The following TP63 variants were observed in gnomAD, a reference collection of about 807,000 sequenced individuals.
TP63 encodes the protein tumor protein 63.
Under a neutral mutation model 82.8 loss-of-function variants are expected in TP63, and 17 were observed. The observed-to-expected ratio is 0.21, with a 90% CI of 0.14 to 0.31. The LOEUF is 0.31. Ranked by LOEUF, TP63 falls within the 10% of genes least tolerant of loss-of-function variation. TP63 has a pLI of 1.00. For missense variants in TP63, 648 were observed against 895.3 expected (o/e 0.72, Z 3.52); for synonymous variants, 330 against 321.7 (o/e 1.03, Z -0.28).
chr3:189,827,687 C>T (rs138227423), intron 4 of TP63, among the ~76,000 whole-genome samples: 1 of 152,224 alleles, frequency 6.6e-6, no homozygotes, highest in East Asian at 1.9e-4. Flanking sequence ...TTTGGTATAC[C>T]TGGACCATAG....
intron 1 of TP63, among the ~76,000 whole-genome samples, chr3:189,677,330 A>G (rs1049549714): frequency 1.4e-5 from 2 of 146,540 alleles, no homozygotes; most frequent in African/African-American, 5.0e-5. Context: ...ACACACACAT[A>G]TTTATATATA....
intron 3 of TP63, among the ~76,000 whole-genome samples, chr3:189,769,259 G>A (rs529532803): frequency 4.6e-5 from 7 of 152,104 alleles, no homozygotes; most frequent in African/African-American, 9.7e-5. Context: ...ATCATCTTCC[G>A]ATACCTTGAT....
intron 4 of TP63, among the ~76,000 whole-genome samples, chr3:189,855,147 T>G (rs1716126148): frequency 1.3e-5 from 2 of 152,086 alleles, no homozygotes; most frequent in African/African-American, 4.8e-5. Context: ...AAAGTAAGAC[T>G]TAACGTGTTT....
intron 4 of TP63, among the ~76,000 whole-genome samples, chr3:189,844,678 C>A (rs1714635970): frequency 6.6e-6 from 1 of 152,076 alleles, no homozygotes; most frequent in African/African-American, 2.4e-5. Context: ...GAGGACAAAT[C>A]CAAAGTATAG....
chr3:189,644,912 C>CT (rs67262538), intron 1 of TP63, among the ~76,000 whole-genome samples: 188 of 142,614 alleles, frequency 1.3e-3, no homozygotes, highest in African/African-American at 2.1e-3. Context: ...ACCACATTTT[C>CT]TTTTTTTTTT....
chr3:189,850,308 A>G (rs2108763911), intron 4 of TP63, among the ~76,000 whole-genome samples: 1 of 152,014 alleles, frequency 6.6e-6, no homozygotes, highest in South Asian at 2.1e-4. Context: ...CACCGCCACC[A>G]CCAAAAAAAG....
At chr3:189,766,971 T>A (rs1373418137) in intron 3 of TP63, among the ~76,000 whole-genome samples, 2 of 152,208 alleles carry the variant, frequency 1.3e-5, no homozygotes, top group Admixed American at 6.5e-5. Flanking sequence ...GGGAGTGATT[T>A]TAGGAAATAT....
intron 3 of TP63, among the ~76,000 whole-genome samples, chr3:189,794,894 C>T (rs1725537610): frequency 6.6e-6 from 1 of 152,054 alleles, no homozygotes; most frequent in Non-Finnish European, 1.5e-5. Flanking sequence ...GAAGGATACG[C>T]ATGGATTGTT....
At chr3:189,862,055 CATTT>C (rs1439393572) in intron 4 of TP63, among the ~76,000 whole-genome samples, 1 of 152,154 alleles carries the variant, frequency 6.6e-6, no homozygotes, top group East Asian at 1.9e-4. Flanking sequence ...GTTTCGTAGT[CATTT>C]ATCAGTTAGT....
At chr3:189,874,361 C>T (rs769708265) in intron 10 of TP63, among the ~76,000 whole-genome samples, 3 of 152,144 alleles carry the variant, frequency 2.0e-5, no homozygotes, top group Non-Finnish European at 4.4e-5. Context: ...TGTGGGCCAC[C>T]GTGCCGGCCT....
chr3:189,826,888 C>T (rs77678407), intron 4 of TP63, among the ~76,000 whole-genome samples: 2,227 of 152,258 alleles, frequency 0.015, 44 homozygotes, highest in African/African-American at 0.05. Flanking sequence ...TTTCAACATG[C>T]ATTTTCTAAG....
chr3:189,745,150 T>C (rs73889817), intron 3 of TP63, among the ~76,000 whole-genome samples: 3 of 152,114 alleles, frequency 2.0e-5, no homozygotes, highest in Non-Finnish European at 4.4e-5. Flanking sequence ...TCAAAAAAAA[T>C]TGTAAGAAAT....
At chr3:189,649,669 A>G (rs192535954) in intron 1 of TP63, among the ~76,000 whole-genome samples, 3 of 147,070 alleles carry the variant, frequency 2.0e-5, no homozygotes, top group Non-Finnish European at 4.5e-5. Context: ...TGGGATGGTC[A>G]TCTAATAAGG....
chr3:189,680,227 A>T (rs1019075146), intron 1 of TP63, among the ~76,000 whole-genome samples: 1 of 152,122 alleles, frequency 6.6e-6, no homozygotes, highest in Non-Finnish European at 1.5e-5. Context: ...ATTCATGAAC[A>T]TGGGATATAT....
At position 189,646,544 on chromosome 3, in the gene TP63, T is replaced by C. The variant is rs528750282; in HGVS notation, c.62+14967T>C. Among the ~76,000 whole-genome samples, 19 of 147,380 alleles carry C rather than the reference T, an allele frequency of 1.3e-4. 6 individuals carry two copies. In the East Asian group the frequency reaches 4.5e-3, roughly 35 times the overall value. ...CATTGAGTCATGTATATTATAAATATTCAATAAATGTCTAATTTGATTGAA... is the reference window on the plus strand; with the variant it reads ...CATTGAGTCATGTATATTATAAATACTCAATAAATGTCTAATTTGATTGAA... On this transcript the variant is annotated intron_variant, in intron 1 of 13. Transcript: ENST00000264731.
intron 13 of TP63, among the ~76,000 whole-genome samples, chr3:189,893,390 G>C (rs116671446): frequency 6.6e-6 from 1 of 152,182 alleles, no homozygotes; most frequent in Admixed American, 6.5e-5. Context: ...ACAATGTGCT[G>C]TTTACCTACC....
intron 4 of TP63, among the ~76,000 whole-genome samples, chr3:189,813,195 A>G (rs192177810): frequency 6.6e-6 from 1 of 152,218 alleles, no homozygotes; most frequent in Admixed American, 6.5e-5. Flanking sequence ...AGTGGGCCTT[A>G]CTTATGGCAG....
At chr3:189,709,269 T>A (rs975868883) in intron 1 of TP63, among the ~76,000 whole-genome samples, 1 of 152,206 alleles carries the variant, frequency 6.6e-6, no homozygotes, top group African/African-American at 2.4e-5. Context: ...CAAATTATTA[T>A]GATGGTTTTC....
In TP63 at chr3:189,781,326, A is replaced by G. The variant is rs145746821; in HGVS notation, c.325-26946A>G. Among the ~76,000 whole-genome samples the G allele has an allele frequency of 3.2e-3, 493 of 152,296 alleles. 5 individuals are homozygous for G. Among genetic ancestry groups the G allele is most frequent in the African/African-American group, 0.012 (480 of 41,562 alleles). ...AGTGACTTATCCACCCTCGTGGTTC[A>G]TGATGCAAAGGTGGTGTGCATACTG... On this transcript the variant is annotated intron_variant, in intron 3 of 13. Coordinates refer to ENST00000264731, the MANE Select transcript of TP63 (RefSeq NM_003722.5).
Sources: allele counts gnomAD v4.1 joint callset (sites outside exome capture counted in the v4.1 genomes callset), GRCh38; gene constraint gnomAD v4.1.1; transcripts MANE v1.5; gene names NCBI Gene and HGNC (gene_info 2026-07-23, HGNC 2026-07-21).